Variants in SLC5A12 observed in about 807,000 individuals in gnomAD.
The protein encoded by SLC5A12 is sodium-coupled monocarboxylate transporter 2.
In SLC5A12, 46 loss-of-function variants were observed where a neutral mutation model predicts 72.7. The observed-to-expected ratio is 0.63, with a 90% CI of 0.50 to 0.81. SLC5A12 has a LOEUF of 0.81. Ranked by LOEUF, SLC5A12 falls within the 30% of genes least tolerant of loss-of-function variation. SLC5A12 has a pLI of 0.00. For missense variants in SLC5A12, 683 were observed against 740.7 expected (o/e 0.92, Z 0.90); for synonymous variants, 275 against 264.4 (o/e 1.04, Z -0.39).
Position 26,669,220 on chromosome 11 carries a change from T to TTTCTTTCTTTCC in SLC5A12, c.*1881_*1882insGGAAAGAAAGAA, listed in dbSNP as rs1854082388. 6.7e-6 allele frequency: 1 copy of TTTCTTTCTTTCC among 150,032 alleles called. No homozygotes were observed. The highest frequency in any genetic ancestry group is 1.5e-5 in the Non-Finnish European group (1 of 67,414). 9.3% of individuals were successfully genotyped at this position (150,032 alleles called of 1,614,324 possible). ...CTTTCTTTCTTTCTTTCTTTCTTTC[T>TTTCTTTCTTTCC]CTCTCTCCCTCCCTCTTTCTTTCTC... On this transcript the variant is annotated 3_prime_UTR_variant, in exon 15 of 15. Transcript: ENST00000396005.
chr11:26,700,050 A>G (rs1350481506), intron 6 of SLC5A12, among the ~76,000 whole-genome samples: 9 of 152,196 alleles, frequency 5.9e-5, no homozygotes, highest in African/African-American at 1.9e-4. Context: ...GTGACTTTAG[A>G]CAAATCACAT....
rs1855391467 is a variant in SLC5A12 at position 26,718,008 on chromosome 11, GC to G, written c.339+3367del. On this transcript the variant is annotated intron_variant, in intron 1 of 14. Transcript: ENST00000396005. ...CAGAACATCACTTTGGCTACATTCT[GC>G]TGGTCAAAGCAAGTCACAAAACTGG... Among the ~76,000 whole-genome samples, 4 of 152,314 alleles carry G rather than the reference GC, an allele frequency of 2.6e-5. No individual in the cohort carries two copies. In the East Asian group the frequency reaches 7.7e-4, roughly 29 times the overall value.
chr11:26,683,862 C>A lies in SLC5A12; in HGVS notation c.1222-19G>T, dbSNP rs781774420. ...GGGAAGCCTGTGGAACAAAGGCAGA[C>A]CAGATGAATCCCCTACTCAAGGGCA... On this transcript the variant is annotated intron_variant, in intron 10 of 14. Transcript: ENST00000396005. 1.9e-6 allele frequency: 3 copies of A among 1,570,540 alleles called. No individual in the cohort carries two copies. The highest frequency in any genetic ancestry group is 2.6e-6 in the Non-Finnish European group (3 of 1,155,938).
chr11:26,693,432 A>G (rs925443713), intron 8 of SLC5A12, among the ~76,000 whole-genome samples: 5 of 152,202 alleles, frequency 3.3e-5, no homozygotes, highest in Admixed American at 6.5e-5. Context: ...AACTGCATAA[A>G]ACCTCTAATA....
intron 13 of SLC5A12, among the ~76,000 whole-genome samples, chr11:26,677,182 G>C (rs1295096539): frequency 1.3e-5 from 2 of 152,144 alleles, no homozygotes; most frequent in South Asian, 2.1e-4. Flanking sequence ...ATGTTTGAAG[G>C]CATAATTAGA....
chr11:26,720,637 T>A (rs140887574), intron 1 of SLC5A12, among the ~76,000 whole-genome samples: 2 of 152,102 alleles, frequency 1.3e-5, no homozygotes, highest in Non-Finnish European at 2.9e-5. Flanking sequence ...TGAAAATAAA[T>A]ACCTTATTAA....
At chr11:26,722,248 G>A (rs1226885563), upstream of SLC5A12, among the ~76,000 whole-genome samples, 1 of 152,148 alleles carries the variant, frequency 6.6e-6, no homozygotes, top group Non-Finnish European at 1.5e-5. Flanking sequence ...AGTGAAGGCT[G>A]TGTGCCTGCA....
intron 6 of SLC5A12, 83 bp from the exon 7 acceptor site, chr11:26,698,618 A>G: frequency 1.4e-6 from 2 of 1,386,896 alleles, no homozygotes; most frequent in Non-Finnish European, 1.9e-6. Context: ...CTCAAGGTAA[A>G]GGGTTTTGGG....
In SLC5A12 at chr11:26,681,166, C is replaced by A. The variant is rs1329523764; in HGVS notation, c.1364G>T (p.Gly455Val). The change falls in exon 12 of 15, where the codon GGG becomes GTG. Residue 455 changes from glycine to valine, a missense_variant. Transcript: ENST00000396005. ...GITLSFWVAI[G>V]AFIYPAPASK... ...GGCTGGTGCAGGGTAAATGAAGGCC[C>A]CAATGGCCACCCAAAATGACAAGGT... 1.9e-6 allele frequency: 3 copies of A among 1,610,674 alleles called. No homozygotes were observed. The highest frequency in any genetic ancestry group is 1.3e-5 in the African/African-American group (1 of 74,948).
chr11:26,669,187 T>TTTCTTTCTCTTTCTTTCTTTCTTTC lies in SLC5A12; in HGVS notation c.*1914_*1915insGAAAGAAAGAAAGAAAGAGAAAGAA, dbSNP rs1854073553. On this transcript the variant is annotated 3_prime_UTR_variant, in exon 15 of 15. Coordinates refer to ENST00000396005, the MANE Select transcript of SLC5A12 (RefSeq NM_178498.4). ...TGTCTTTTTCTTTCTTTCTTTCTTC[T>TTTCTTTCTCTTTCTTTCTTTCTTTC]TTTCTTTCTTTCTTTCTTTCTTTCT... 9.9e-5 allele frequency: 11 copies of TTTCTTTCTCTTTCTTTCTTTCTTTC among 110,942 alleles called. No homozygotes were observed. Among genetic ancestry groups the TTTCTTTCTCTTTCTTTCTTTCTTTC allele is most frequent in the Non-Finnish European group, 2.0e-4 (10 of 50,896 alleles). 6.9% of individuals were successfully genotyped at this position (110,942 alleles called of 1,614,324 possible). A position where few individuals can be genotyped will look rare whatever the true frequency, so the allele number is the denominator to read the frequency against.
Position 26,703,860 on chromosome 11 carries a change from T to G in SLC5A12, c.613A>C (p.Thr205Pro). The G allele has an allele frequency of 6.2e-7, 1 of 1,613,932 alleles. No homozygotes were observed. The highest frequency in any genetic ancestry group is 8.5e-7 in the Non-Finnish European group (1 of 1,179,872). The change falls in exon 5 of 15, where the codon ACT becomes CCT. Residue 205 changes from threonine (T) to proline (P), a missense_variant. Physicochemically the swap from Thr to Pro is conservative, Grantham distance 38. Transcript: ENST00000396005. ...GFLTVLIQGSTHAGGFHNVLE... is the reference protein window; with the variant it reads ...GFLTVLIQGSPHAGGFHNVLE... Reference sequence around the variant, plus strand: ...ACATTGTGGAATCCCCCAGCATGAGTTGATCCTTGAATGAGAACCGTTAAG... The same window carrying G: ...ACATTGTGGAATCCCCCAGCATGAGGTGATCCTTGAATGAGAACCGTTAAG...
chr11:26,690,488 T>G (rs1189811466), intron 9 of SLC5A12, among the ~76,000 whole-genome samples: 1 of 151,606 alleles, frequency 6.6e-6, no homozygotes, highest in African/African-American at 2.4e-5. Flanking sequence ...ATTTAAAGAA[T>G]AATGCTGGGA....
At chr11:26,710,239 C>T (rs1855191313) in intron 3 of SLC5A12, among the ~76,000 whole-genome samples, 1 of 152,080 alleles carries the variant, frequency 6.6e-6, no homozygotes, top group South Asian at 2.1e-4. Flanking sequence ...TGTATATGTG[C>T]CACATTTTCT....
At chr11:26,694,947 C>T (rs987730358) in intron 8 of SLC5A12, among the ~76,000 whole-genome samples, 63 of 151,918 alleles carry the variant, frequency 4.1e-4, no homozygotes, top group African/African-American at 1.4e-3. Flanking sequence ...CATAATAAAA[C>T]ATTACCTTAA....
chr11:26,673,625 T>C (rs1854197623), intron 13 of SLC5A12, 96 bp from the exon 14 acceptor site: 35 of 1,424,786 alleles, frequency 2.5e-5, no homozygotes, highest in Non-Finnish European at 3.1e-5. Flanking sequence ...AGGTTGCTTT[T>C]TAGAATAAGA....
rs1854030764 is a variant in SLC5A12, at chr11:26,667,687, A to G, written c.*3415T>C. 1 of 152,002 alleles carries G rather than the reference A, an allele frequency of 6.6e-6. No homozygotes were observed. The highest frequency in any genetic ancestry group is 6.6e-5 in the Admixed American group (1 of 15,222). 9.4% of individuals were successfully genotyped at this position (152,002 alleles called of 1,614,324 possible). A position where few individuals can be genotyped will look rare whatever the true frequency, so the allele number is the denominator to read the frequency against. On this transcript the variant is annotated 3_prime_UTR_variant, in exon 15 of 15. Coordinates refer to ENST00000396005, the MANE Select transcript of SLC5A12 (RefSeq NM_178498.4). ...GCATCTTTTAGTAATAAACTTGTTT[A>G]TAACAGTAGTTTTCTCTCTTTTCAG...
At chr11:26,714,119 AT>A (rs1855294430) in intron 1 of SLC5A12, among the ~76,000 whole-genome samples, 1 of 149,600 alleles carries the variant, frequency 6.7e-6, no homozygotes, top group Non-Finnish European at 1.5e-5. Context: ...AAAAAAAAAC[AT>A]GTAAAGTAAC....
intron 9 of SLC5A12, chr11:26,691,650 G>A (rs1854678166): frequency 6.6e-6 from 1 of 151,848 alleles, no homozygotes; most frequent in African/African-American, 2.4e-5. Context: ...AAACAACCAG[G>A]AACAAAGTTA....
At chr11:26,692,700 G>C in intron 8 of SLC5A12, 99 bp from the exon 9 acceptor site, 1 of 702,436 alleles carries the variant, frequency 1.4e-6, no homozygotes, top group Non-Finnish European at 2.5e-6. Flanking sequence ...CAGGCCTCTA[G>C]AAAAAACAGA....
Sources: allele counts gnomAD v4.1 joint callset (sites outside exome capture counted in the v4.1 genomes callset), GRCh38; gene constraint gnomAD v4.1.1; transcripts MANE v1.5; gene names NCBI Gene and HGNC (gene_info 2026-07-23, HGNC 2026-07-21).